Variants in IL1RAPL1 observed in about 807,000 individuals in gnomAD.
IL1RAPL1 encodes the protein interleukin-1 receptor accessory protein-like 1.
In IL1RAPL1, 3 loss-of-function variants were observed where a neutral mutation model predicts 48.4. The observed-to-expected ratio is 0.06, with a 90% CI of 0.03 to 0.16. The LOEUF is 0.16. IL1RAPL1 is among the 10% of genes least tolerant of loss of function. The pLI, the probability that IL1RAPL1 is intolerant of heterozygous loss-of-function variation, is 1.00. For missense variants in IL1RAPL1, 349 were observed against 530.6 expected, an observed-to-expected ratio of 0.66 and a Z score of 3.36; for synonymous variants, 185 against 187.7, an observed-to-expected ratio of 0.99 and a Z score of 0.12.
intron 2 of IL1RAPL1, among the ~76,000 whole-genome samples, chrX:29,218,074 T>A (rs1930910468): frequency 1.8e-5 from 2 of 111,657 alleles, no homozygotes; most frequent in Admixed American, 1.9e-4. Flanking sequence ...CAGAAAAAAA[T>A]CTCATTTGTT....
At chrX:28,839,835 A>C (rs1921323549) in intron 2 of IL1RAPL1, among the ~76,000 whole-genome samples, 1 of 111,081 alleles carries the variant, frequency 9.0e-6, no homozygotes, top group African/African-American at 3.3e-5. Flanking sequence ...GAATTCATTC[A>C]TTAGGAAAAT....
At chrX:29,681,836 T>G (rs1400192398) in intron 6 of IL1RAPL1, among the ~76,000 whole-genome samples, 1 of 111,077 alleles carries the variant, frequency 9.0e-6, no homozygotes, top group African/African-American at 3.3e-5. Flanking sequence ...GAATTTTTAG[T>G]AGATAATACC....
intron 5 of IL1RAPL1, among the ~76,000 whole-genome samples, chrX:29,655,334 T>C (rs1195125741): frequency 3.6e-5 from 4 of 112,035 alleles, no homozygotes; most frequent in African/African-American, 1.3e-4. Flanking sequence ...ATATGGTGTC[T>C]AGTAGAAACC....
intron 1 of IL1RAPL1, among the ~76,000 whole-genome samples, chrX:28,754,253 T>C (rs1363710166): frequency 9.0e-6 from 1 of 111,715 alleles, no homozygotes; most frequent in Non-Finnish European, 1.9e-5. Flanking sequence ...TTTTAAAAAA[T>C]CTTTTCTCTT....
intron 2 of IL1RAPL1, among the ~76,000 whole-genome samples, chrX:29,076,810 A>G (rs186029889): frequency 2.1e-5 from 2 of 97,340 alleles, no homozygotes; most frequent in East Asian, 3.1e-4. Flanking sequence ...CTGTCTATCT[A>G]TCTATCTATC....
At chrX:28,829,827 G>A (rs763874724) in intron 2 of IL1RAPL1, among the ~76,000 whole-genome samples, 10 of 110,356 alleles carry the variant, frequency 9.1e-5, no homozygotes, top group Non-Finnish European at 1.7e-4. Flanking sequence ...CAAAGTGTTG[G>A]GATTACAGGC....
At chrX:29,937,267 T>C (rs1475836713) in intron 8 of IL1RAPL1, among the ~76,000 whole-genome samples, 1 of 112,307 alleles carries the variant, frequency 8.9e-6, no homozygotes, top group East Asian at 2.8e-4. Flanking sequence ...TGTGCTGAAA[T>C]GATATCTTTT....
intron 3 of IL1RAPL1, among the ~76,000 whole-genome samples, chrX:29,303,406 C>G (rs1932568264): frequency 9.0e-6 from 1 of 111,705 alleles, no homozygotes; most frequent in Non-Finnish European, 1.9e-5. Flanking sequence ...GTGTGTTTAA[C>G]AACGTAAAGG....
chrX:28,849,359 G>A (rs1318935482), intron 2 of IL1RAPL1, among the ~76,000 whole-genome samples: 1 of 111,666 alleles, frequency 9.0e-6, no homozygotes, highest in African/African-American at 3.2e-5. Context: ...ACGAGAAGCT[G>A]CAAGATTATC....
intron 1 of IL1RAPL1, among the ~76,000 whole-genome samples, chrX:28,674,944 A>G (rs1934982999): frequency 8.9e-6 from 1 of 112,218 alleles, no homozygotes; most frequent in South Asian, 3.6e-4. Context: ...GTGCCTGGCA[A>G]TATGAATTTA....
At chrX:28,870,157 TC>T (rs1279497631) in intron 2 of IL1RAPL1, among the ~76,000 whole-genome samples, 1 of 111,566 alleles carries the variant, frequency 9.0e-6, no homozygotes, top group African/African-American at 3.3e-5. Flanking sequence ...GTTGCTTCCA[TC>T]TTTTGGTTAT....
chrX:29,712,432 C>T (rs1223948708), intron 6 of IL1RAPL1, among the ~76,000 whole-genome samples: 1 of 111,702 alleles, frequency 9.0e-6, no homozygotes. Context: ...GACCTTCATA[C>T]ACTGAGGAAT....
chrX:29,490,006 T>A (rs1016718228), intron 5 of IL1RAPL1, among the ~76,000 whole-genome samples: 6 of 111,141 alleles, frequency 5.4e-5, no homozygotes, highest in Admixed American at 1.9e-4. Flanking sequence ...TACATAGGAC[T>A]TATTAATCTC....
At chrX:28,694,629 A>G (rs1935211867) in intron 1 of IL1RAPL1, among the ~76,000 whole-genome samples, 1 of 112,117 alleles carries the variant, frequency 8.9e-6, no homozygotes, top group African/African-American at 3.3e-5. Context: ...ATTCAAAAAA[A>G]CAAAATAAAA....
intron 3 of IL1RAPL1, among the ~76,000 whole-genome samples, chrX:29,329,530 T>C (rs1027539047): frequency 9.0e-6 from 1 of 111,535 alleles, no homozygotes; most frequent in Non-Finnish European, 1.9e-5. Flanking sequence ...AATGAACTAC[T>C]GGCTTGGCGC....
chrX:29,601,544 G>A (rs1162738023), intron 5 of IL1RAPL1, among the ~76,000 whole-genome samples: 1 of 111,717 alleles, frequency 9.0e-6, no homozygotes, highest in Admixed American at 9.5e-5. Flanking sequence ...GTAGAAACCT[G>A]GGCTGTATGG....
chrX:29,262,867 G>A (rs1378435383), intron 2 of IL1RAPL1, among the ~76,000 whole-genome samples: 2 of 110,699 alleles, frequency 1.8e-5, no homozygotes, highest in African/African-American at 6.6e-5. Context: ...TAATCAGTGA[G>A]GAATATAACC....
At chrX:29,259,266 TC>T (rs1931810150) in intron 2 of IL1RAPL1, among the ~76,000 whole-genome samples, 1 of 112,209 alleles carries the variant, frequency 8.9e-6, no homozygotes. Flanking sequence ...TTTTACTTTT[TC>T]TGTACTGAAT....
chrX:29,535,133 C>CAA (rs1921180995), intron 5 of IL1RAPL1, among the ~76,000 whole-genome samples: 2 of 14,570 alleles, frequency 1.4e-4, no homozygotes, highest in African/African-American at 8.7e-4. Flanking sequence ...GACTCTGTCT[C>CAA]CAAAAAAAAA....
Sources: gnomAD v4.1 joint callset for allele counts (sites outside exome capture counted in the v4.1 genomes callset) on GRCh38, gnomAD v4.1.1 for gene constraint, MANE v1.5 for transcripts, NCBI Gene and HGNC (gene_info 2026-07-23, HGNC 2026-07-21) for gene names.